Variants in CTNNA2 observed in about 807,000 individuals in gnomAD.
CTNNA2 encodes catenin alpha-2.
In CTNNA2, 42 loss-of-function variants were observed where a neutral mutation model predicts 101.0. The observed-to-expected ratio is 0.42, with a 90% CI of 0.32 to 0.54. The LOEUF (loss-of-function observed/expected upper bound fraction) is 0.54. Among genes scored for constraint, CTNNA2 ranks in the 20% least tolerant of loss-of-function variants. CTNNA2 has a pLI of 0.14. For synonymous variants in CTNNA2, 450 were observed against 456.4 expected (o/e 0.99, Z 0.18); for missense variants, 871 against 1,223.1 (o/e 0.71, Z 4.29).
chr2:79,355,005 G>C (rs768788146), intron 3 of CTNNA2, among the ~76,000 whole-genome samples: 1 of 152,018 alleles, frequency 6.6e-6, no homozygotes, highest in South Asian at 2.1e-4. Flanking sequence ...GTCTCTATTA[G>C]TTATATCGAC....
chr2:79,877,606 C>T (rs1558604565), intron 6 of CTNNA2, among the ~76,000 whole-genome samples: 1 of 151,908 alleles, frequency 6.6e-6, no homozygotes, highest in Non-Finnish European at 1.5e-5. Context: ...GTCATGAGTC[C>T]TAAATGCTAT....
At chr2:80,418,723 T>A (rs555994375) in intron 8 of CTNNA2, among the ~76,000 whole-genome samples, 12 of 152,314 alleles carry the variant, frequency 7.9e-5, no homozygotes, top group African/African-American at 2.9e-4. Context: ...TACATTCAGA[T>A]AATTATGAAC....
At chr2:79,600,981 A>G (rs1159003667) in intron 1 of CTNNA2, among the ~76,000 whole-genome samples, 1 of 152,158 alleles carries the variant, frequency 6.6e-6, no homozygotes, top group Non-Finnish European at 1.5e-5. Flanking sequence ...TGTGGGCTAC[A>G]ATTTCAACCT....
At chr2:80,036,809 TTG>T (rs145965045) in intron 7 of CTNNA2, among the ~76,000 whole-genome samples, 1 of 139,206 alleles carries the variant, frequency 7.2e-6, no homozygotes, top group South Asian at 2.5e-4. Context: ...CACTCATTCA[TTG>T]TGTGTGTGTG....
intron 7 of CTNNA2, among the ~76,000 whole-genome samples, chr2:80,282,171 G>A (rs1007320123): frequency 1.3e-5 from 2 of 152,174 alleles, no homozygotes; most frequent in South Asian, 2.1e-4. Flanking sequence ...CTTAAGAAAG[G>A]CAGCTTAGAC....
intron 2 of CTNNA2, among the ~76,000 whole-genome samples, chr2:79,289,565 C>A (rs543834358): frequency 2.6e-5 from 4 of 151,678 alleles, no homozygotes; most frequent in East Asian, 2.0e-4. Flanking sequence ...GACCAACATG[C>A]GAAATCCTGT....
intron 1 of CTNNA2, among the ~76,000 whole-genome samples, chr2:79,637,730 C>T (rs1277703922): frequency 6.6e-6 from 1 of 152,170 alleles, no homozygotes; most frequent in Non-Finnish European, 1.5e-5. Flanking sequence ...TTTTCTTAGC[C>T]TGTTCTGCCC....
intron 7 of CTNNA2, among the ~76,000 whole-genome samples, chr2:80,314,911 A>C (rs1677955634): frequency 6.6e-6 from 1 of 152,232 alleles, no homozygotes; most frequent in African/African-American, 2.4e-5. Flanking sequence ...ACATTGTGAA[A>C]AGCATTTTCA....
At chr2:80,247,649 T>A (rs1192593009) in intron 7 of CTNNA2, among the ~76,000 whole-genome samples, 1 of 152,194 alleles carries the variant, frequency 6.6e-6, no homozygotes, top group African/African-American at 2.4e-5. Flanking sequence ...TCCTCAAACC[T>A]TGTTTTTCCA....
At chr2:79,826,611 G>A (rs1297072699) in intron 3 of CTNNA2, among the ~76,000 whole-genome samples, 5 of 152,192 alleles carry the variant, frequency 3.3e-5, no homozygotes, top group African/African-American at 7.2e-5. Context: ...GTTACAAGTC[G>A]TAATGCCAAA....
At chr2:79,786,198 A>G (rs1057488795) in intron 3 of CTNNA2, among the ~76,000 whole-genome samples, 13 of 152,146 alleles carry the variant, frequency 8.5e-5, no homozygotes, top group Admixed American at 3.3e-4. Flanking sequence ...AATGATATTT[A>G]AGTAGAAAAG....
intron 18 of CTNNA2, among the ~76,000 whole-genome samples, chr2:80,635,529 C>T (rs1177931731): frequency 6.6e-6 from 1 of 152,042 alleles, no homozygotes; most frequent in Non-Finnish European, 1.5e-5. Flanking sequence ...ATGTGTCTAA[C>T]ATTTTACTTC....
intron 7 of CTNNA2, among the ~76,000 whole-genome samples, chr2:80,009,578 T>C (rs1244355355): frequency 6.6e-6 from 1 of 152,122 alleles, no homozygotes; most frequent in East Asian, 1.9e-4. Context: ...CATTCACACA[T>C]ATACGCTTTT....
intron 7 of CTNNA2, among the ~76,000 whole-genome samples, chr2:80,195,434 A>T (rs1199572280): frequency 6.6e-6 from 1 of 152,162 alleles, no homozygotes. Flanking sequence ...GAAAGGTAAA[A>T]TAAACAATTC....
rs765993464 is a variant in CTNNA2, at chr2:80,545,035, T to G, written c.1344T>G (p.Val448=). The change falls in exon 10 of 19, where the codon GTT becomes GTG. Residue 448 remains valine, a synonymous_variant. Coordinates refer to ENST00000402739, the MANE Select transcript of CTNNA2 (RefSeq NM_001282597.3). ...ACAATGAAGAAGGGGTGAAATTAGT[T>G]CGGATGGCAGCCACCCAGATTGACA... ...ISNNEEGVKL[V]RMAATQIDSL... The G allele has an allele frequency of 3.1e-6, 5 of 1,614,068 alleles. No individual in the cohort carries two copies. Among genetic ancestry groups the G allele is most frequent in the Non-Finnish European group, 4.2e-6 (5 of 1,179,960 alleles).
chr2:80,209,860 A>G (rs560722978), intron 7 of CTNNA2, among the ~76,000 whole-genome samples: 5 of 149,802 alleles, frequency 3.3e-5, no homozygotes, highest in Admixed American at 3.3e-4. Flanking sequence ...TAGTATTTAT[A>G]TATCATTTTT....
At chr2:79,403,570 A>G (rs1189469254) in intron 4 of CTNNA2, among the ~76,000 whole-genome samples, 4 of 152,032 alleles carry the variant, frequency 2.6e-5, no homozygotes, top group Non-Finnish European at 5.9e-5. Context: ...TCACAAACTT[A>G]TAAAAATTAA....
At chr2:79,571,930 T>C (rs751630053) in intron 1 of CTNNA2, among the ~76,000 whole-genome samples, 2 of 152,172 alleles carry the variant, frequency 1.3e-5, no homozygotes, top group Non-Finnish European at 2.9e-5. Context: ...TCCTTCTTTT[T>C]GGTAGCTGCC....
At chr2:80,409,618 C>T (rs745375266) in intron 8 of CTNNA2, among the ~76,000 whole-genome samples, 15 of 152,292 alleles carry the variant, frequency 9.8e-5, no homozygotes, top group South Asian at 4.1e-4. Flanking sequence ...GAATAAATGA[C>T]GGAACACTGG....
Sources: gnomAD v4.1 joint callset for allele counts (sites outside exome capture counted in the v4.1 genomes callset) on GRCh38, gnomAD v4.1.1 for gene constraint, MANE v1.5 for transcripts, NCBI Gene and HGNC (gene_info 2026-07-23, HGNC 2026-07-21) for gene names.